The following GPHN variants were observed in gnomAD, a reference collection of about 807,000 sequenced individuals.
The protein encoded by GPHN is gephyrin.
A neutral mutation model predicts 95.5 loss-of-function variants in GPHN; 17 were observed. The observed-to-expected ratio is 0.18, with a 90% CI of 0.12 to 0.27. The LOEUF (loss-of-function observed/expected upper bound fraction) is 0.27, where lower values mean the gene tolerates loss of function less well. Among genes scored for constraint, GPHN ranks in the 10% least tolerant of loss-of-function variants. The pLI is 1.00. For synonymous variants in GPHN, 320 were observed against 322.5 expected (o/e 0.99, Z 0.08); for missense variants, 660 against 978.1 (o/e 0.67, Z 4.34).
the GPHN span, chr14:67,690,237 G>T: frequency 6.2e-7 from 1 of 1,613,708 alleles, no homozygotes. Flanking sequence ...CCAGTTCCTG[G>T]GTGAAGAGGA....
intron 10 of GPHN, among the ~76,000 whole-genome samples, chr14:67,045,543 G>T (rs1189634212): frequency 6.7e-6 from 1 of 149,272 alleles, no homozygotes; most frequent in Admixed American, 6.7e-5. Context: ...GTCTCTCTGT[G>T]TGTGTCTCTC....
chr14:66,703,809 G>A (rs2068790243), intron 2 of GPHN, among the ~76,000 whole-genome samples: 1 of 151,916 alleles, frequency 6.6e-6, no homozygotes, highest in African/African-American at 2.4e-5. Flanking sequence ...AATGTAAATG[G>A]GCTAAATGCC....
intron 9 of GPHN, among the ~76,000 whole-genome samples, chr14:66,977,628 A>G (rs2070346720): frequency 1.3e-5 from 2 of 152,332 alleles, no homozygotes; most frequent in Admixed American, 6.5e-5. Context: ...AAGTTATTCT[A>G]TAACCTTAAA....
At chr14:66,753,145 G>T (rs185269742) in intron 2 of GPHN, among the ~76,000 whole-genome samples, 155 of 152,172 alleles carry the variant, frequency 1.0e-3, no homozygotes, top group African/African-American at 3.6e-3. Context: ...ACTGTTGGGG[G>T]TGGAGTGGAC....
the GPHN span, chr14:67,690,763 G>A: frequency 2.6e-6 from 1 of 385,158 alleles, no homozygotes; most frequent in African/African-American, 2.0e-5. Context: ...GCAGGAAGGT[G>A]CCTGAGGCCA....
At position 67,144,266 on chromosome 14, in the gene GPHN, T is replaced by TATATACATAC. The variant is rs2080745436; in HGVS notation, c.1836+822_1836+823insCATACATATA. 2.0e-5 allele frequency among the ~76,000 whole-genome samples: 2 copies of TATATACATAC among 102,346 alleles called. 1 individual carries two copies. Among genetic ancestry groups the TATATACATAC allele is most frequent in the African/African-American group, 8.9e-5 (2 of 22,482 alleles). The allele number at this position is 102,346 out of a possible 152,430, so 67.1% of individuals were successfully genotyped here. A position where few individuals can be genotyped will look rare whatever the true frequency, so the allele number is the denominator to read the frequency against. ...AAAAAAAAAAATATATATATATATA[T>TATATACATAC]ATATATATATATATATATATACACA... On this transcript the variant is annotated intron_variant, in intron 18 of 22. Coordinates refer to ENST00000478722, the MANE Select transcript of GPHN (RefSeq NM_020806.5).
At chr14:66,712,249 C>T (rs1350643390) in intron 2 of GPHN, among the ~76,000 whole-genome samples, 2 of 152,146 alleles carry the variant, frequency 1.3e-5, no homozygotes, top group African/African-American at 2.4e-5. Flanking sequence ...TTCTCCAGCA[C>T]CTGTTGTTTC....
intron 2 of GPHN, among the ~76,000 whole-genome samples, chr14:66,742,656 A>C (rs1008253884): frequency 6.6e-6 from 1 of 152,184 alleles, no homozygotes; most frequent in African/African-American, 2.4e-5. Context: ...GTTCTATTAA[A>C]ATACTATTTT....
intron 3 of GPHN, among the ~76,000 whole-genome samples, chr14:66,807,392 A>G (rs1229023042): frequency 6.6e-6 from 1 of 152,240 alleles, no homozygotes; most frequent in Non-Finnish European, 1.5e-5. Context: ...AAAATGAGAC[A>G]CAGTTAAATG....
chr14:66,617,633 T>A (rs944809139), intron 1 of GPHN, among the ~76,000 whole-genome samples: 3 of 152,206 alleles, frequency 2.0e-5, no homozygotes, highest in Non-Finnish European at 2.9e-5. Flanking sequence ...CCTCCGAACA[T>A]GGCTGTTTCT....
At chr14:67,158,307 C>CAAAA (rs368266629) in intron 18 of GPHN, among the ~76,000 whole-genome samples, 1 of 55,740 alleles carries the variant, frequency 1.8e-5, no homozygotes, top group Non-Finnish European at 3.6e-5. Context: ...AACTCCATCT[C>CAAAA]AAAAAAAAAA....
chr14:66,924,823 T>G (rs1364294115), intron 8 of GPHN, among the ~76,000 whole-genome samples: 1 of 152,106 alleles, frequency 6.6e-6, no homozygotes, highest in Non-Finnish European at 1.5e-5. Context: ...GTAAACTTTT[T>G]AGGTGCATAT....
At chr14:66,532,567 G>C (rs1298475646) in intron 1 of GPHN, among the ~76,000 whole-genome samples, 2 of 152,160 alleles carry the variant, frequency 1.3e-5, no homozygotes, top group African/African-American at 4.8e-5. Flanking sequence ...GGTTAATTGA[G>C]GATATTCAAA....
At chr14:67,429,161 A>G in the GPHN span, among the ~76,000 whole-genome samples, 1 of 152,088 alleles carries the variant, frequency 6.6e-6, no homozygotes, top group Non-Finnish European at 1.5e-5. Flanking sequence ...AACAATAACA[A>G]TGATGAGGCC....
At chr14:67,059,014 GAAAAA>G in intron 11 of GPHN, 3 of 382,322 alleles carry the variant, frequency 7.8e-6, no homozygotes, top group Non-Finnish European at 9.0e-6. Context: ...TTAAAAAAAG[GAAAAA>G]AAAAAAAAAA....
rs752354581 is a variant in GPHN at position 67,066,889 on chromosome 14, C to T, written c.1144+8103C>T. ...TGGGTTAGAACATGCTCCTTTAGCTCGGAGAAGTTTGTTATTACGGACCTT... is the reference window on the plus strand; with the variant it reads ...TGGGTTAGAACATGCTCCTTTAGCTTGGAGAAGTTTGTTATTACGGACCTT... On this transcript the variant is annotated intron_variant, in intron 11 of 22. Coordinates refer to ENST00000478722, the MANE Select transcript of GPHN (RefSeq NM_020806.5). 3.3e-5 allele frequency among the ~76,000 whole-genome samples: 5 copies of T among 152,128 alleles called. No homozygotes were observed. The East Asian group carries it at 7.7e-4, about 23-fold the overall frequency.
chr14:66,901,985 A>G (rs2065147717), intron 5 of GPHN, among the ~76,000 whole-genome samples: 2 of 151,956 alleles, frequency 1.3e-5, no homozygotes, highest in Admixed American at 6.6e-5. Flanking sequence ...CATTTTAACA[A>G]TATTCTTCCT....
At chr14:67,390,599 CAGGAG>C in the GPHN span, 1 of 1,150,822 alleles carries the variant, frequency 8.7e-7, no homozygotes, top group Middle Eastern at 2.4e-4. Flanking sequence ...CCCGCCATGC[CAGGAG>C]AGGAGTGTCT....
the GPHN span, chr14:67,589,620 C>G: frequency 5.1e-6 from 5 of 986,122 alleles, no homozygotes; most frequent in Non-Finnish European, 6.0e-6. Context: ...ACAGACTCGT[C>G]TTTTGTAGGA....
Sources: allele counts gnomAD v4.1 joint callset (sites outside exome capture counted in the v4.1 genomes callset), GRCh38; gene constraint gnomAD v4.1.1; transcripts MANE v1.5; gene names NCBI Gene and HGNC (gene_info 2026-07-23, HGNC 2026-07-21).